Variants in ADGRB3 observed in about 807,000 individuals in gnomAD.
ADGRB3 encodes brain-specific angiogenesis inhibitor 3.
Under a neutral mutation model 193.4 loss-of-function variants are expected in ADGRB3, and 37 were observed. The observed-to-expected ratio is 0.19, with a 90% confidence interval of 0.15 to 0.25. The LOEUF is 0.25. Among genes scored for constraint, ADGRB3 ranks in the 10% least tolerant of loss-of-function variants. The probability of loss-of-function intolerance (pLI) is 1.00; values close to 1 mark genes in which losing one functional copy is unlikely to be tolerated. For synonymous variants in ADGRB3, 690 were observed against 644.2 expected (o/e 1.07, Z -1.08); for missense variants, 1,637 against 1,852.9 (o/e 0.88, Z 2.14).
At chr6:69,303,338 C>T (rs768134872) in intron 20 of ADGRB3, among the ~76,000 whole-genome samples, 6 of 151,802 alleles carry the variant, frequency 4.0e-5, no homozygotes, top group African/African-American at 1.2e-4. Flanking sequence ...AAAGTTACAC[C>T]GAGTGTGCCT....
At chr6:68,937,721 G>A (rs1047571202) in intron 5 of ADGRB3, among the ~76,000 whole-genome samples, 6 of 152,156 alleles carry the variant, frequency 3.9e-5, no homozygotes, top group African/African-American at 7.2e-5. Context: ...CACGGAGTAA[G>A]AACAGGAATA....
At chr6:68,818,255 G>A (rs746752967) in intron 3 of ADGRB3, among the ~76,000 whole-genome samples, 2 of 152,028 alleles carry the variant, frequency 1.3e-5, no homozygotes, top group Non-Finnish European at 2.9e-5. Flanking sequence ...AGACTTGAGA[G>A]TTAGATACAG....
intron 13 of ADGRB3, among the ~76,000 whole-genome samples, chr6:69,039,734 G>GTTT (rs1262698023): frequency 7.1e-6 from 1 of 140,970 alleles, no homozygotes. Flanking sequence ...TTACATAATT[G>GTTT]TTTTTTTCTT....
At chr6:68,896,799 G>A (rs1766230565) in intron 3 of ADGRB3, among the ~76,000 whole-genome samples, 1 of 152,078 alleles carries the variant, frequency 6.6e-6, no homozygotes, top group Admixed American at 6.6e-5. Context: ...CCTGTCTACT[G>A]GGCTAGACAC....
chr6:69,361,446 G>T lies in ADGRB3; in HGVS notation c.4173G>T (p.Glu1391Asp). ...RTAVKNFMAS[E>D]LDDNAGLSRS... ...CTGTGAAGAATTTCATGGCCTCTGA[G>T]TTGGATGATAATGCAGGACTATCAA... The change falls in exon 29 of 32, where the codon GAG becomes GAT. Residue 1391 changes from glutamate to aspartate, a missense_variant. Coordinates refer to ENST00000370598, the MANE Select transcript of ADGRB3 (RefSeq NM_001704.3). The T allele has an allele frequency of 6.2e-7, 1 of 1,612,834 alleles. No individual in the cohort carries two copies.
intron 17 of ADGRB3, among the ~76,000 whole-genome samples, chr6:69,083,202 G>C (rs1192414515): frequency 6.6e-6 from 1 of 152,212 alleles, no homozygotes; most frequent in Non-Finnish European, 1.5e-5. Flanking sequence ...TGCCTGTAGA[G>C]AGTGCTGCCC....
intron 29 of ADGRB3, among the ~76,000 whole-genome samples, chr6:69,362,950 A>G (rs890320186): frequency 1.1e-4 from 16 of 152,004 alleles, no homozygotes; most frequent in African/African-American, 3.9e-4. Context: ...AGTAATCATA[A>G]TGACTATATG....
intron 3 of ADGRB3, among the ~76,000 whole-genome samples, chr6:68,810,411 C>T (rs192805411): frequency 3.7e-4 from 56 of 152,316 alleles, no homozygotes; most frequent in African/African-American, 1.2e-3. Context: ...ACAAGGCCTA[C>T]CACAAAGTAG....
At position 68,920,148 on chromosome 6, in the gene ADGRB3, T is replaced by C. The variant is rs1271783925; in HGVS notation, c.758-10411T>C. Among the ~76,000 whole-genome samples, 3 of 152,104 alleles carry C rather than the reference T, an allele frequency of 2.0e-5. 1 individual carries two copies. The highest frequency in any genetic ancestry group is 4.2e-4 in the South Asian group (2 of 4,818). ...CCTTGTACTGAAGGGGAACACAGAGTACCAAGTAAACGAAATGAAAAACAC... is the reference window on the plus strand; with the variant it reads ...CCTTGTACTGAAGGGGAACACAGAGCACCAAGTAAACGAAATGAAAAACAC... On this transcript the variant is annotated intron_variant, in intron 3 of 31. Coordinates refer to ENST00000370598, the MANE Select transcript of ADGRB3 (RefSeq NM_001704.3).
Position 68,640,571 on chromosome 6 carries a change from A to G in ADGRB3, c.757+1139A>G, listed in dbSNP as rs572350364. Among the ~76,000 whole-genome samples the G allele has an allele frequency of 2.3e-4, 35 of 152,324 alleles. 2 individuals are homozygous for G. Among genetic ancestry groups the G allele is most frequent in the Admixed American group, 2.2e-3 (33 of 15,294 alleles). On this transcript the variant is annotated intron_variant, in intron 3 of 31. Coordinates refer to ENST00000370598, the MANE Select transcript of ADGRB3 (RefSeq NM_001704.3). ...ATGCAGGAAATGTTTTCTGATTGCC[A>G]CAAAGATCCCAGTCTGTGGAAAGGG... is the stretch of plus-strand genomic sequence containing the variant.
At chr6:69,353,998 G>C (rs1182530194) in intron 26 of ADGRB3, among the ~76,000 whole-genome samples, 3 of 152,172 alleles carry the variant, frequency 2.0e-5, no homozygotes, top group Admixed American at 2.0e-4. Flanking sequence ...GGGAAGCGGA[G>C]GTTGCAGTGA....
chr6:69,149,697 T>C (rs1318711837), intron 17 of ADGRB3, among the ~76,000 whole-genome samples: 1 of 152,092 alleles, frequency 6.6e-6, no homozygotes, highest in East Asian at 1.9e-4. Context: ...TTGGAGGGGT[T>C]TCCAGATATT....
chr6:69,321,907 G>A (rs1008527707), intron 20 of ADGRB3, among the ~76,000 whole-genome samples: 3 of 151,794 alleles, frequency 2.0e-5, no homozygotes, highest in East Asian at 1.9e-4. Flanking sequence ...TGTTTGTTAC[G>A]TAGGTAAATG....
At chr6:69,091,175 T>G (rs1384900910) in intron 17 of ADGRB3, among the ~76,000 whole-genome samples, 1 of 152,218 alleles carries the variant, frequency 6.6e-6, no homozygotes, top group Admixed American at 6.5e-5. Flanking sequence ...AAAGGAATGC[T>G]TATACACTGT....
intron 21 of ADGRB3, among the ~76,000 whole-genome samples, chr6:69,325,723 T>A (rs908308562): frequency 6.6e-6 from 1 of 152,170 alleles, no homozygotes; most frequent in African/African-American, 2.4e-5. Context: ...GACTGGCATA[T>A]GGGATGCTAG....
chr6:69,087,357 G>A (rs975957450), intron 17 of ADGRB3, among the ~76,000 whole-genome samples: 2 of 152,160 alleles, frequency 1.3e-5, no homozygotes, highest in Non-Finnish European at 2.9e-5. Context: ...CTGAACTGAT[G>A]TTAGTGCTAT....
intron 17 of ADGRB3, among the ~76,000 whole-genome samples, chr6:69,206,180 C>T (rs1765536689): frequency 6.6e-6 from 1 of 150,742 alleles, no homozygotes; most frequent in Non-Finnish European, 1.5e-5. Flanking sequence ...AATTGAAGAA[C>T]TTGGAGTCTG....
At chr6:68,800,563 T>G (rs9446058) in intron 3 of ADGRB3, among the ~76,000 whole-genome samples, 119,754 of 151,918 alleles carry the variant, frequency 0.79, 47,402 homozygotes, top group Middle Eastern at 0.9. Flanking sequence ...GACAAGGAGG[T>G]CACTAGCAAA....
chr6:68,907,050 C>G (rs930978298), intron 3 of ADGRB3, among the ~76,000 whole-genome samples: 14 of 151,822 alleles, frequency 9.2e-5, no homozygotes, highest in South Asian at 8.3e-4. Context: ...AAAAGGATAA[C>G]AGTAAGGAGT....
Sources: gnomAD v4.1 joint callset for allele counts (sites outside exome capture counted in the v4.1 genomes callset) on GRCh38, gnomAD v4.1.1 for gene constraint, MANE v1.5 for transcripts, NCBI Gene and HGNC (gene_info 2026-07-23, HGNC 2026-07-21) for gene names.